Variants in NSUN6 observed in about 807,000 individuals in gnomAD.
NSUN6 encodes the protein NOP2/Sun RNA methyltransferase 6.
NSUN6 carries 64 observed loss-of-function variants against 58.0 expected under a neutral mutation model. The observed-to-expected ratio is 1.10, with a 90% CI of 0.90 to 1.36. The LOEUF (loss-of-function observed/expected upper bound fraction) is 1.36. NSUN6 is among the 40% of genes most tolerant of loss of function. The pLI, the probability that NSUN6 is intolerant of heterozygous loss-of-function variation, is 0.00. For synonymous variants in NSUN6, 231 were observed against 193.9 expected (o/e 1.19, Z -1.59); for missense variants, 701 against 550.1 (o/e 1.27, Z -2.74).
intron 6 of NSUN6, among the ~76,000 whole-genome samples, chr10:18,609,125 A>C (rs2058140999): frequency 1.3e-5 from 2 of 152,154 alleles, no homozygotes; most frequent in Admixed American, 6.5e-5. Context: ...CCTGGGCCAC[A>C]AAGTGAGACC....
chr10:18,648,409 A>C lies in NSUN6; in HGVS notation c.231+81T>G, dbSNP rs897047318. ...ATCTGTAAAACTGGAAGTGTATTATATCATTCATAGGATTTTAATGGAAAA... is the reference window on the plus strand; with the variant it reads ...ATCTGTAAAACTGGAAGTGTATTATCTCATTCATAGGATTTTAATGGAAAA... On this transcript the variant is annotated intron_variant, in intron 2 of 10. Coordinates refer to ENST00000377304, the MANE Select transcript of NSUN6 (RefSeq NM_182543.5). 14 of 862,422 alleles carry C rather than the reference A, an allele frequency of 1.6e-5. No individual in the cohort carries two copies. In the East Asian group the frequency reaches 3.4e-4, roughly 21 times the overall value. The allele number at this position is 862,422 out of a possible 1,614,324, so 53.4% of individuals were successfully genotyped here.
rs545071112 is a variant in NSUN6 at position 18,562,607 on chromosome 10, T to C, written c.923-10636A>G. Among the ~76,000 whole-genome samples the C allele has an allele frequency of 2.4e-4, 35 of 144,722 alleles. 1 individual carries two copies. The South Asian group carries it at 6.3e-3, about 26-fold the overall frequency. 94.9% of individuals were successfully genotyped at this position (144,722 alleles called of 152,430 possible). A position where few individuals can be genotyped will look rare whatever the true frequency, so the allele number is the denominator to read the frequency against. ...ATGGGGATTGTAATGGAATGGGGAA[T>C]GGTATGGAATGAAATACAGAATGGA... On this transcript the variant is annotated intron_variant, in intron 8 of 10. Transcript: ENST00000377304.
chr10:18,622,371 T>C (rs1229660092), intron 3 of NSUN6, among the ~76,000 whole-genome samples: 2 of 151,988 alleles, frequency 1.3e-5, no homozygotes, highest in South Asian at 4.1e-4. Context: ...TCCAGAACCA[T>C]GAGAAACAAT....
At chr10:18,559,993 AGAGAATGGAATGCAATG>A (rs1341403242) in intron 8 of NSUN6, among the ~76,000 whole-genome samples, 2 of 149,770 alleles carry the variant, frequency 1.3e-5, no homozygotes, top group African/African-American at 2.5e-5. Context: ...CGAATGGAAT[AGAGAATGGAATGCAATG>A]GAGAATGGAA....
At chr10:18,551,596 T>TGATACAGG in intron 9 of NSUN6, 1 of 385,896 alleles carries the variant, frequency 2.6e-6, no homozygotes, top group Non-Finnish European at 4.6e-6. Flanking sequence ...TTTTCCAGGT[T>TGATACAGG]CACCCATGTT....
intron 8 of NSUN6, among the ~76,000 whole-genome samples, chr10:18,558,036 AGAATGGAATG>A (rs1244954107): frequency 2.0e-5 from 3 of 151,180 alleles, no homozygotes; most frequent in South Asian, 2.1e-4. Flanking sequence ...AATAGAATGG[AGAATGGAATG>A]GAATGGAATG....
rs543899057 is a variant in NSUN6 at position 18,591,511 on chromosome 10, A to G, written c.777+4697T>C. The stretch of plus-strand genomic sequence containing the variant: ...AACCAGATCCAGCAGTACATTAAAA[A>G]GCTTATCCACCACAATCAAGTCAGC... On this transcript the variant is annotated intron_variant, in intron 7 of 10. Coordinates refer to ENST00000377304, the MANE Select transcript of NSUN6 (RefSeq NM_182543.5). 7.2e-5 allele frequency among the ~76,000 whole-genome samples: 11 copies of G among 152,314 alleles called. No homozygotes were observed. In the South Asian group the frequency reaches 2.3e-3, roughly 32 times the overall value.
intron 2 of NSUN6, among the ~76,000 whole-genome samples, chr10:18,647,591 G>C (rs1590198821): frequency 6.6e-6 from 1 of 152,120 alleles, no homozygotes; most frequent in East Asian, 1.9e-4. Context: ...GTTTTCATCT[G>C]TAAGAGGAAT....
Position 18,593,876 on chromosome 10 carries a change from A to G in NSUN6, c.777+2332T>C, listed in dbSNP as rs1459708235. 4.0e-4 allele frequency among the ~76,000 whole-genome samples: 55 copies of G among 137,108 alleles called. No individual in the cohort carries two copies. In the Middle Eastern group the frequency reaches 0.012, roughly 29 times the overall value. 89.9% of individuals were successfully genotyped at this position (137,108 alleles called of 152,430 possible). A position where few individuals can be genotyped will look rare whatever the true frequency, so the allele number is the denominator to read the frequency against. ...GTATTGCAGAACTTAAAGCACAATT[A>G]AAAAAAAAAAAAAAGGGCCAAAATT... On this transcript the variant is annotated intron_variant, in intron 7 of 10. Transcript: ENST00000377304.
chr10:18,554,473 G>T (rs1348066615), intron 8 of NSUN6, among the ~76,000 whole-genome samples: 3 of 150,778 alleles, frequency 2.0e-5, no homozygotes, highest in Non-Finnish European at 4.4e-5. Context: ...ATGGAATGGA[G>T]TGGAGAATGG....
At chr10:18,653,211 T>G, upstream of NSUN6, 1 of 984,942 alleles carries the variant, frequency 1.0e-6, no homozygotes, top group Non-Finnish European at 1.2e-6. Context: ...CACACCACTA[T>G]GTACCCAAGC....
Position 18,546,019 on chromosome 10 carries a change from CCTCT to C in NSUN6, c.1320_1323del (p.Glu441ProfsTer15), listed in dbSNP as rs779073348. On this transcript the variant is annotated frameshift_variant, in exon 11 of 11. Transcript: ENST00000377304. LOFTEE classifies it high-confidence loss of function. ...AGACGCAACATGTCTTCTCTTCTGG[CCTCT>C]CTAAGAGAGTCCATGTCAGTGTCCG... 204 of 1,582,868 alleles carry C rather than the reference CCTCT, an allele frequency of 1.3e-4. No homozygotes were observed. In the Middle Eastern group the frequency reaches 1.9e-3, roughly 15 times the overall value.
chr10:18,646,845 A>C (rs866579338), intron 2 of NSUN6, among the ~76,000 whole-genome samples: 1 of 152,300 alleles, frequency 6.6e-6, no homozygotes, highest in Middle Eastern at 3.4e-3. Flanking sequence ...CAAAACAAAA[A>C]AAATCTGGAT....
chr10:18,555,955 AAAATGGT>A (rs2054984574), intron 8 of NSUN6, among the ~76,000 whole-genome samples: 1 of 149,644 alleles, frequency 6.7e-6, no homozygotes, highest in African/African-American at 2.5e-5. Context: ...AATGGAATGG[AAAATGGT>A]ATGGAATGGA....
At chr10:18,578,317 C>T (rs1371666174) in intron 8 of NSUN6, among the ~76,000 whole-genome samples, 1 of 151,072 alleles carries the variant, frequency 6.6e-6, no homozygotes, top group Admixed American at 6.6e-5. Flanking sequence ...CACTGCAACC[C>T]CCGCCTCCTG....
chr10:18,631,838 T>C (rs1173640514), intron 3 of NSUN6, among the ~76,000 whole-genome samples: 2 of 152,178 alleles, frequency 1.3e-5, no homozygotes, highest in Admixed American at 6.5e-5. Flanking sequence ...CCCAAGGTAA[T>C]TTGTAGATTC....
chr10:18,556,212 T>C (rs1312071517), intron 8 of NSUN6, among the ~76,000 whole-genome samples: 2 of 144,878 alleles, frequency 1.4e-5, no homozygotes, highest in South Asian at 2.2e-4. Context: ...AAGAATGGAA[T>C]AGAATGCAAT....
chr10:18,584,213 T>C (rs1039065619), intron 8 of NSUN6, among the ~76,000 whole-genome samples: 7 of 152,292 alleles, frequency 4.6e-5, no homozygotes, highest in African/African-American at 1.7e-4. Context: ...TTACAACTTA[T>C]TCCTGCCCAG....
chr10:18,614,580 G>GAGTATACA lies in NSUN6; in HGVS notation c.447_454dup (p.Ser152LeufsTer31). 1 of 1,478,604 alleles carries GAGTATACA rather than the reference G, an allele frequency of 6.8e-7. No homozygotes were observed. The highest frequency in any genetic ancestry group is 1.3e-5 in the South Asian group (1 of 78,588). 91.6% of individuals were successfully genotyped at this position (1,478,604 alleles called of 1,614,324 possible). On this transcript the variant is annotated frameshift_variant, in exon 5 of 11. Transcript: ENST00000377304. LOFTEE classifies it high-confidence loss of function. ...TTTCTTACATTTTCCTTTAATATCAGAGTATACAGAAATAACATCTCCAGC... is the reference window on the plus strand; with the variant it reads ...TTTCTTACATTTTCCTTTAATATCAGAGTATACAAGTATACAGAAATAACATCTCCAGC...
Sources: allele counts gnomAD v4.1 joint callset (sites outside exome capture counted in the v4.1 genomes callset), GRCh38; gene constraint gnomAD v4.1.1; transcripts MANE v1.5; gene names NCBI Gene and HGNC (gene_info 2026-07-23, HGNC 2026-07-21).